PTPRD: variants seen among roughly 807,000 people sequenced by gnomAD.
PTPRD encodes the protein protein tyrosine phosphatase receptor type D.
Under a neutral mutation model 214.5 loss-of-function variants are expected in PTPRD, and 34 were observed. The observed-to-expected ratio is 0.16, with a 90% CI of 0.12 to 0.21. PTPRD has a LOEUF of 0.21. Among genes scored for constraint, PTPRD ranks in the 10% least tolerant of loss-of-function variants. PTPRD has a pLI of 1.00. For synonymous variants in PTPRD, 1,128 were observed against 845.7 expected (o/e 1.33, Z -5.79); for missense variants, 2,545 against 2,398.7 (o/e 1.06, Z -1.27).
intron 5 of PTPRD, among the ~76,000 whole-genome samples, chr9:9,774,880 C>G (rs1403904518): frequency 6.6e-6 from 1 of 152,178 alleles, no homozygotes; most frequent in Non-Finnish European, 1.5e-5. Context: ...GATAGTACCT[C>G]ATAAATGCCT....
chr9:8,897,215 C>T (rs7866753), intron 11 of PTPRD, among the ~76,000 whole-genome samples: 30,805 of 152,050 alleles, frequency 0.2, 3,266 homozygotes, highest in South Asian at 0.24. Context: ...AAGGGAATAT[C>T]GAACAAGCGT....
At chr9:10,206,591 A>G (rs1472090925) in intron 3 of PTPRD, among the ~76,000 whole-genome samples, 1 of 152,224 alleles carries the variant, frequency 6.6e-6, no homozygotes, top group African/African-American at 2.4e-5. Flanking sequence ...AGTTCTAAAT[A>G]TTCTTATTGG....
At chr9:8,380,131 G>GA (rs1272684456) in intron 37 of PTPRD, among the ~76,000 whole-genome samples, 7 of 151,526 alleles carry the variant, frequency 4.6e-5, no homozygotes, top group Non-Finnish European at 8.8e-5. Context: ...GTCTAAATGT[G>GA]AAAAAAAAGA....
At chr9:9,783,139 C>A (rs2098872641) in intron 5 of PTPRD, among the ~76,000 whole-genome samples, 1 of 152,126 alleles carries the variant, frequency 6.6e-6, no homozygotes, top group Non-Finnish European at 1.5e-5. Context: ...TTCTCCCACG[C>A]AACAGTAATT....
At chr9:9,660,809 A>C (rs963440602) in intron 7 of PTPRD, among the ~76,000 whole-genome samples, 1 of 151,958 alleles carries the variant, frequency 6.6e-6, no homozygotes, top group African/African-American at 2.4e-5. Flanking sequence ...GCAACAACTC[A>C]AATAACCTCA....
At chr9:8,476,319 C>CACTG (rs749070722) in intron 30 of PTPRD, among the ~76,000 whole-genome samples, 2 of 152,182 alleles carry the variant, frequency 1.3e-5, no homozygotes, top group Non-Finnish European at 2.9e-5. Flanking sequence ...CTAATGCCAC[C>CACTG]ACTGATCTGA....
At chr9:9,664,672 G>C (rs890547804) in intron 7 of PTPRD, among the ~76,000 whole-genome samples, 2 of 151,648 alleles carry the variant, frequency 1.3e-5, no homozygotes, top group Admixed American at 6.6e-5. Flanking sequence ...TATCCTTAAT[G>C]CATGGACAGA....
At chr9:9,633,766 T>C (rs1201406902) in intron 7 of PTPRD, among the ~76,000 whole-genome samples, 1 of 152,232 alleles carries the variant, frequency 6.6e-6, no homozygotes, top group African/African-American at 2.4e-5. Context: ...CAAACATATT[T>C]TTTAAGGTAA....
chr9:9,909,878 T>C (rs867959791), intron 5 of PTPRD, among the ~76,000 whole-genome samples: 32 of 152,064 alleles, frequency 2.1e-4, no homozygotes, highest in Middle Eastern at 3.4e-3. Context: ...CAGCTAGCTG[T>C]ATATTTTTTT....
At chr9:8,450,000 G>A (rs1390709198) in intron 33 of PTPRD, among the ~76,000 whole-genome samples, 163 bp from the exon 34 acceptor site, 1 of 151,944 alleles carries the variant, frequency 6.6e-6, no homozygotes, top group Non-Finnish European at 1.5e-5. Flanking sequence ...TTTCCCCCCT[G>A]GCCTAATTGT....
At chr9:8,664,653 A>G (rs2097135024) in intron 12 of PTPRD, among the ~76,000 whole-genome samples, 1 of 152,198 alleles carries the variant, frequency 6.6e-6, no homozygotes, top group Non-Finnish European at 1.5e-5. Context: ...ATGGTATATA[A>G]TCCTCTTAAA....
intron 7 of PTPRD, among the ~76,000 whole-genome samples, chr9:9,599,261 C>T (rs191455570): frequency 1.6e-4 from 24 of 152,174 alleles, no homozygotes; most frequent in Admixed American, 1.4e-3. Flanking sequence ...ATTAGTAACT[C>T]TTCCGATGCT....
chr9:8,945,965 T>G (rs1050651095), intron 11 of PTPRD, among the ~76,000 whole-genome samples: 1 of 152,288 alleles, frequency 6.6e-6, no homozygotes, highest in Admixed American at 6.5e-5. Flanking sequence ...CTAGAAACAC[T>G]TCAGGGTTTC....
chr9:9,800,177 A>G (rs2099029776), intron 5 of PTPRD, among the ~76,000 whole-genome samples: 1 of 152,144 alleles, frequency 6.6e-6, no homozygotes, highest in African/African-American at 2.4e-5. Context: ...TTTGTTTTAT[A>G]AAATGTTTGA....
intron 7 of PTPRD, among the ~76,000 whole-genome samples, chr9:9,689,766 A>G (rs1055026931): frequency 2.0e-5 from 3 of 151,836 alleles, no homozygotes; most frequent in African/African-American, 7.2e-5. Context: ...GGCTTATTTC[A>G]CTGAACATAA....
chr9:10,593,201 A>G (rs10959184), intron 2 of PTPRD, among the ~76,000 whole-genome samples: 30,732 of 151,878 alleles, frequency 0.2, 4,070 homozygotes, highest in East Asian at 0.67. Context: ...ACCATAATAG[A>G]AAACACCTGG....
At chr9:9,747,912 C>G (rs2098474685) in intron 6 of PTPRD, among the ~76,000 whole-genome samples, 1 of 152,142 alleles carries the variant, frequency 6.6e-6, no homozygotes, top group Admixed American at 6.5e-5. Context: ...GTTTCAAAAA[C>G]ACTCTTTGAG....
intron 11 of PTPRD, among the ~76,000 whole-genome samples, chr9:8,865,266 A>C (rs537555949): frequency 1.3e-4 from 20 of 152,332 alleles, no homozygotes; most frequent in African/African-American, 4.8e-4. Context: ...GAAAACAAGA[A>C]TCTGTGTTGG....
intron 3 of PTPRD, among the ~76,000 whole-genome samples, chr9:10,145,333 C>T (rs373988570): frequency 6.6e-6 from 1 of 152,184 alleles, no homozygotes; most frequent in East Asian, 1.9e-4. Context: ...TCTTCTTCTG[C>T]CTCCGCCACC....
Sources: gnomAD v4.1 joint callset for allele counts (sites outside exome capture counted in the v4.1 genomes callset) on GRCh38, gnomAD v4.1.1 for gene constraint, MANE v1.5 for transcripts, NCBI Gene and HGNC (gene_info 2026-07-23, HGNC 2026-07-21) for gene names.